TRIM44: variants seen among roughly 807,000 people sequenced by gnomAD.
TRIM44 encodes tripartite motif containing 44.
TRIM44 carries 13 observed loss-of-function variants against 37.4 expected under a neutral mutation model. The observed-to-expected ratio is 0.35, with a 90% CI of 0.23 to 0.55. The LOEUF (loss-of-function observed/expected upper bound fraction) is 0.55, where lower values mean the gene tolerates loss of function less well. Among genes scored for constraint, TRIM44 ranks in the 20% least tolerant of loss-of-function variants. The probability of loss-of-function intolerance (pLI) is 0.89; values close to 1 mark genes in which losing one functional copy is unlikely to be tolerated. For synonymous variants in TRIM44, 175 were observed against 157.2 expected (o/e 1.11, Z -0.85); for missense variants, 426 against 437.2 (o/e 0.97, Z 0.23).
intron 2 of TRIM44, among the ~76,000 whole-genome samples, chr11:35,704,118 A>G (rs1468674248): frequency 6.6e-6 from 1 of 152,224 alleles, no homozygotes; most frequent in Non-Finnish European, 1.5e-5. Flanking sequence ...AGAATGCAGA[A>G]GCCTCAGGAG....
At position 35,741,330 on chromosome 11, in the gene TRIM44, A is replaced by G. The variant is rs145245373; in HGVS notation, c.1007+5885A>G. Among the ~76,000 whole-genome samples the G allele has an allele frequency of 7.2e-4, 109 of 152,316 alleles. No homozygotes were observed. In the Middle Eastern group the frequency reaches 0.014, roughly 19 times the overall value. On this transcript the variant is annotated intron_variant, in intron 4 of 4. Transcript: ENST00000299413. ...GATGAAAGTTGAAGCCACACTATGC[A>G]TTGTGCTGCCTGTCTATACCCAAAG...
chr11:35,691,220 T>C (rs929567133), intron 2 of TRIM44, among the ~76,000 whole-genome samples: 1 of 152,170 alleles, frequency 6.6e-6, no homozygotes, highest in African/African-American at 2.4e-5. Flanking sequence ...GGACACTAAA[T>C]GGGAAAAATA....
chr11:35,733,738 C>T (rs1355529215), intron 3 of TRIM44, among the ~76,000 whole-genome samples: 3 of 152,106 alleles, frequency 2.0e-5, no homozygotes, highest in African/African-American at 4.8e-5. Context: ...CTCCCTTTAC[C>T]TCAGTCACGC....
At chr11:35,738,364 C>CTTTA (rs1852351942) in intron 4 of TRIM44, among the ~76,000 whole-genome samples, 2 of 129,952 alleles carry the variant, frequency 1.5e-5, no homozygotes, top group South Asian at 4.3e-4. Context: ...CATAGAGTTT[C>CTTTA]TTGTAACCAA....
rs564694225 is a variant in TRIM44 at position 35,777,912 on chromosome 11, G to A, written c.1008-28446G>A. Among the ~76,000 whole-genome samples the A allele has an allele frequency of 2.2e-3, 331 of 152,208 alleles. 1 individual carries two copies. The highest frequency in any genetic ancestry group is 3.8e-3 in the Non-Finnish European group (256 of 68,014). ...CATTTTTTCCTTCATTTCAGCTTTG[G>A]TGAGTCTGACAATTATGTGTCTTGG... On this transcript the variant is annotated intron_variant, in intron 4 of 4. Transcript: ENST00000299413.
intron 4 of TRIM44, among the ~76,000 whole-genome samples, chr11:35,799,740 C>T (rs951161444): frequency 2.6e-5 from 4 of 152,074 alleles, no homozygotes; most frequent in African/African-American, 9.7e-5. Flanking sequence ...CAGAAGCTAT[C>T]GGTGAGTTTA....
chr11:35,683,075 G>T (rs1000766774), intron 1 of TRIM44, among the ~76,000 whole-genome samples: 1 of 152,046 alleles, frequency 6.6e-6, no homozygotes, highest in Non-Finnish European at 1.5e-5. Context: ...CACCAGACAG[G>T]CTTTATTGTC....
intron 4 of TRIM44, among the ~76,000 whole-genome samples, chr11:35,787,864 G>T (rs148271573): frequency 1.4e-3 from 218 of 152,272 alleles, no homozygotes; most frequent in African/African-American, 5.0e-3. Flanking sequence ...TCATAATGAG[G>T]CATTCAGTGT....
intron 3 of TRIM44, 88 bp downstream of exon 3, chr11:35,726,251 G>A (rs915628209): frequency 9.2e-6 from 14 of 1,516,800 alleles, no homozygotes; most frequent in South Asian, 8.7e-5. Context: ...GTCCCTGAAC[G>A]TGAATGAATT....
chr11:35,705,866 A>G (rs1398468982), intron 2 of TRIM44, among the ~76,000 whole-genome samples: 2 of 148,714 alleles, frequency 1.3e-5, no homozygotes, highest in East Asian at 3.9e-4. Context: ...GAAAAGCAAG[A>G]GCAAACACAT....
chr11:35,744,815 G>A (rs946715006), intron 4 of TRIM44, among the ~76,000 whole-genome samples: 1 of 152,134 alleles, frequency 6.6e-6, no homozygotes, highest in Non-Finnish European at 1.5e-5. Flanking sequence ...GTGAGAATGT[G>A]CAGTGCTTGG....
At chr11:35,730,851 C>CTTT (rs376635824) in intron 3 of TRIM44, among the ~76,000 whole-genome samples, 4 of 128,118 alleles carry the variant, frequency 3.1e-5, no homozygotes, top group African/African-American at 5.7e-5. Context: ...AGCCTTATAT[C>CTTT]TTTTTTTTTT....
At chr11:35,702,702 C>A (rs1444993302) in intron 2 of TRIM44, among the ~76,000 whole-genome samples, 1 of 152,178 alleles carries the variant, frequency 6.6e-6, no homozygotes, top group Non-Finnish European at 1.5e-5. Context: ...TTTCTTGAAG[C>A]CTAGGCTAAA....
chr11:35,795,355 T>C (rs775949042), intron 4 of TRIM44, among the ~76,000 whole-genome samples: 2 of 151,984 alleles, frequency 1.3e-5, no homozygotes, highest in African/African-American at 2.4e-5. Context: ...TGCATTAAGA[T>C]TAGAAGTAGG....
chr11:35,783,411 C>T (rs1236040890), intron 4 of TRIM44, among the ~76,000 whole-genome samples: 2 of 152,158 alleles, frequency 1.3e-5, no homozygotes, highest in African/African-American at 4.8e-5. Context: ...ATTTATGTGA[C>T]CCACTCCTGT....
intron 4 of TRIM44, among the ~76,000 whole-genome samples, chr11:35,799,757 T>C (rs1055651799): frequency 1.3e-5 from 2 of 152,186 alleles, no homozygotes; most frequent in African/African-American, 2.4e-5. Flanking sequence ...TTTATGTATA[T>C]AGATGTCTTA....
rs1159647187 is a variant in TRIM44, at chr11:35,742,600, T to C, written c.1007+7155T>C. Among the ~76,000 whole-genome samples, 21 of 132,194 alleles carry C rather than the reference T, an allele frequency of 1.6e-4. No individual in the cohort carries two copies. The Admixed American group carries it at 1.7e-3, about 10-fold the overall frequency. The allele number at this position is 132,194 out of a possible 152,430, so 86.7% of individuals were successfully genotyped here. On this transcript the variant is annotated intron_variant, in intron 4 of 4. Transcript: ENST00000299413. ...TTAATTATATTAATTGTATTATATA[T>C]AATTATATTAATTATATTAATTGTA...
At position 35,662,851 on chromosome 11, in the gene TRIM44, G is replaced by A; in HGVS notation, c.-261G>A. The A allele has an allele frequency of 2.5e-6, 1 of 392,836 alleles. No homozygotes were observed. 24.3% of individuals were successfully genotyped at this position (392,836 alleles called of 1,614,324 possible). Reference sequence around the variant, plus strand: ...ACGCGGGGGCCGACGGGGGCGCCGGGTGGCCGCGCCGGAAGTGCCTTGCGC... The same window carrying A: ...ACGCGGGGGCCGACGGGGGCGCCGGATGGCCGCGCCGGAAGTGCCTTGCGC... On this transcript the variant is annotated 5_prime_UTR_variant, in exon 1 of 5. The change creates a new upstream start codon in the 5' untranslated region. Coordinates refer to ENST00000299413, the MANE Select transcript of TRIM44 (RefSeq NM_017583.6).
chr11:35,725,233 TTAA>T (rs1852158969), intron 2 of TRIM44, among the ~76,000 whole-genome samples: 2 of 152,280 alleles, frequency 1.3e-5, no homozygotes, highest in African/African-American at 4.8e-5. Context: ...TAAAAACTAC[TTAA>T]TTATCTATAT....
Sources: gnomAD v4.1 joint callset for allele counts (sites outside exome capture counted in the v4.1 genomes callset) on GRCh38, gnomAD v4.1.1 for gene constraint, MANE v1.5 for transcripts, NCBI Gene and HGNC (gene_info 2026-07-23, HGNC 2026-07-21) for gene names.